The following FYTTD1 variants were observed in gnomAD, a reference collection of about 807,000 sequenced individuals.
FYTTD1 encodes forty-two-three domain containing 1, also known as UAP56-interacting factor.
FYTTD1 carries 22 observed loss-of-function variants against 40.9 expected under a neutral mutation model. The ratio of observed to expected loss-of-function variants is 0.54; its 90% CI spans 0.38 to 0.77. FYTTD1 has a LOEUF of 0.77. FYTTD1 is among the 30% of genes least tolerant of loss of function. The pLI is 0.00. For synonymous variants in FYTTD1, 140 were observed against 137.9 expected (o/e 1.01, Z -0.10); for missense variants, 351 against 392.2 (o/e 0.90, Z 0.89).
chr3:197,779,212 C>T (rs1333244538), intron 8 of FYTTD1, among the ~76,000 whole-genome samples: 1 of 152,018 alleles, frequency 6.6e-6, no homozygotes, highest in African/African-American at 2.4e-5. Flanking sequence ...GTCAGGAGTT[C>T]GAGACCAGCC....
chr3:197,772,828 C>G (rs968145034), intron 4 of FYTTD1, among the ~76,000 whole-genome samples: 1 of 152,140 alleles, frequency 6.6e-6, no homozygotes, highest in Non-Finnish European at 1.5e-5. Context: ...AGGCTGGTCT[C>G]AAACTCCTGA....
intron 2 of FYTTD1, among the ~76,000 whole-genome samples, chr3:197,757,813 T>C (rs1729253853): frequency 6.6e-6 from 1 of 152,236 alleles, no homozygotes; most frequent in East Asian, 1.9e-4. Context: ...ATTATTCATC[T>C]CTAATAATTT....
At chr3:197,762,629 T>C (rs978940053) in intron 2 of FYTTD1, among the ~76,000 whole-genome samples, 5 of 151,768 alleles carry the variant, frequency 3.3e-5, no homozygotes, top group African/African-American at 1.2e-4. Context: ...ATGCCTGTAA[T>C]CCCAGCACTT....
intron 2 of FYTTD1, among the ~76,000 whole-genome samples, chr3:197,767,563 C>T (rs540895402): frequency 6.6e-6 from 1 of 151,814 alleles, no homozygotes; most frequent in African/African-American, 2.4e-5. Context: ...CTCCTGGGCT[C>T]AAGCAATCCT....
chr3:197,750,901 G>T, intron 1 of FYTTD1: 1 of 964,772 alleles, frequency 1.0e-6, no homozygotes, highest in Non-Finnish European at 1.2e-6. Flanking sequence ...GGAGGTTGGT[G>T]ATTCCATTAA....
chr3:197,750,149 G>T (rs1373859370), intron 1 of FYTTD1, 75 bp downstream of exon 1: 4 of 1,159,038 alleles, frequency 3.5e-6, no homozygotes, highest in African/African-American at 3.2e-5. Context: ...GTTTGTGGGG[G>T]CAGGGGCGGT....
At position 197,770,142 on chromosome 3, in the gene FYTTD1, A is replaced by G. The variant is rs1346922592; in HGVS notation, c.395A>G (p.Gln132Arg). 4 of 1,599,196 alleles carry G rather than the reference A, an allele frequency of 2.5e-6. No homozygotes were observed. The East Asian group carries it at 6.7e-5, about 27-fold the overall frequency. Reference protein sequence around the residue: ...RPPLSDKNIEQYFPVLKRKAN... With the variant: ...RPPLSDKNIERYFPVLKRKAN... ...CTTGCCTTCTGATAGAATATAGAAC[A>G]ATATTTTCCAGTGTTAAAAAGGAAG... is the stretch of plus-strand genomic sequence containing the variant. Residue 132 changes from glutamine to arginine, a missense_variant, in exon 4 of 9, where the codon CAA becomes CGA. Physicochemically the swap from Gln to Arg is conservative, Grantham distance 43. Transcript: ENST00000241502.
chr3:197,764,582 G>A (rs1324334530), intron 2 of FYTTD1, among the ~76,000 whole-genome samples: 1 of 151,728 alleles, frequency 6.6e-6, no homozygotes, highest in African/African-American at 2.4e-5. Flanking sequence ...GGTGGTGGGC[G>A]CCTGTAGTCC....
upstream of FYTTD1, chr3:197,749,856 A>C: frequency 1.7e-6 from 1 of 604,890 alleles, no homozygotes; most frequent in Non-Finnish European, 2.6e-6. Flanking sequence ...GAGACCGAGG[A>C]CGGCGCCGGC....
intron 1 of FYTTD1, chr3:197,750,489 A>G (rs1728982757): frequency 1.0e-6 from 1 of 988,068 alleles, no homozygotes; most frequent in African/African-American, 1.8e-5. Flanking sequence ...GAATGGTCCG[A>G]CCGAGCCGTT....
At position 197,768,554 on chromosome 3, in the gene FYTTD1, T is replaced by C. The variant is rs780536859; in HGVS notation, c.351T>C (p.Ile117=). The C allele has an allele frequency of 6.2e-7, 1 of 1,613,866 alleles. No homozygotes were observed. The highest frequency in any genetic ancestry group is 8.5e-7 in the Non-Finnish European group (1 of 1,179,808). ...ARKTTGIRKG[I]SPMNRPPLSD... ...AAACGACTGGAATTCGAAAAGGAATTAGTCCTATGAATCGTCCACCTCTAA... is the reference window on the plus strand; with the variant it reads ...AAACGACTGGAATTCGAAAAGGAATCAGTCCTATGAATCGTCCACCTCTAA... The change falls in exon 3 of 9, where the codon ATT becomes ATC. Residue 117 remains isoleucine, a synonymous_variant. Coordinates refer to ENST00000241502, the MANE Select transcript of FYTTD1 (RefSeq NM_032288.7).
intron 1 of FYTTD1, among the ~76,000 whole-genome samples, chr3:197,756,135 G>A (rs1309965987): frequency 1.3e-5 from 2 of 152,082 alleles, no homozygotes; most frequent in Non-Finnish European, 2.9e-5. Context: ...TGGGAAGTAA[G>A]TAGGAAATTG....
rs1236761510 is a variant in FYTTD1, at chr3:197,783,815, A to G, written c.*1906A>G. 6.6e-6 allele frequency: 1 copy of G among 152,592 alleles called. No individual in the cohort carries two copies. The highest frequency in any genetic ancestry group is 2.4e-5 in the African/African-American group (1 of 41,460). 9.5% of individuals were successfully genotyped at this position (152,592 alleles called of 1,614,324 possible). On this transcript the variant is annotated 3_prime_UTR_variant, in exon 9 of 9. Transcript: ENST00000241502. ...TTTTCCTGTTCTTACCTATTATTGT[A>G]TAGAGCTATTCATGCCATTTTTTGG...
intron 4 of FYTTD1, among the ~76,000 whole-genome samples, chr3:197,770,523 C>T (rs573037168): frequency 6.6e-6 from 1 of 152,318 alleles, no homozygotes; most frequent in East Asian, 1.9e-4. Context: ...AAAAGCTGAT[C>T]ACTTTAGTAG....
Position 197,777,079 on chromosome 3 carries a change from C to T in FYTTD1, c.731+78C>T, listed in dbSNP as rs879094364. On this transcript the variant is annotated intron_variant, in intron 7 of 8. Coordinates refer to ENST00000241502, the MANE Select transcript of FYTTD1 (RefSeq NM_032288.7). Reference sequence around the variant, plus strand: ...CATAAGAAAGTATTGGACTTCTGCTCAGAGAATGATGTCCAAGTTGGGATG... The same window carrying T: ...CATAAGAAAGTATTGGACTTCTGCTTAGAGAATGATGTCCAAGTTGGGATG... The T allele has an allele frequency of 8.2e-6, 7 of 857,824 alleles. No individual in the cohort carries two copies. The South Asian group carries it at 1.1e-4, about 13-fold the overall frequency. The allele number at this position is 857,824 out of a possible 1,614,324, so 53.1% of individuals were successfully genotyped here. A position where few individuals can be genotyped will look rare whatever the true frequency, so the allele number is the denominator to read the frequency against.
chr3:197,757,997 G>A (rs1190121641), intron 2 of FYTTD1, among the ~76,000 whole-genome samples: 3 of 152,200 alleles, frequency 2.0e-5, no homozygotes, highest in Admixed American at 1.3e-4. Context: ...TCTGCCTCCC[G>A]GGTTCAAGCG....
In FYTTD1 at chr3:197,776,927, A is replaced by T; in HGVS notation, c.657A>T (p.Gln219His). ...TTTTTTTTATTTTTTTTGAAACTAG[A>T]TGGCGGACTTCCACCACAAATGGAG... ...LDDVVAKRTRQWRTSTTNGGI... is the reference protein window; with the variant it reads ...LDDVVAKRTRHWRTSTTNGGI... Residue 219 changes from glutamine (Q) to histidine (H), a missense_variant and splice_region_variant, in exon 7 of 9, where the codon CAA (glutamine) becomes CAT (histidine). By Grantham distance (24) the Gln-to-His change is conservative (BLOSUM62 0). Transcript: ENST00000241502. 6.2e-7 allele frequency: 1 copy of T among 1,600,552 alleles called. No homozygotes were observed. Among genetic ancestry groups the T allele is most frequent in the East Asian group, 2.2e-5 (1 of 44,816 alleles).
chr3:197,778,332 T>C lies in FYTTD1; in HGVS notation c.732-6T>C. ...CTGCTCTGATATTTTAATATTTTTCTAATAGAACTCAGAAACCACGATTAA... is the reference window on the plus strand; with the variant it reads ...CTGCTCTGATATTTTAATATTTTTCCAATAGAACTCAGAAACCACGATTAA... On this transcript the variant is annotated splice_polypyrimidine_tract_variant and splice_region_variant and intron_variant, in intron 7 of 8. Transcript: ENST00000241502. The C allele has an allele frequency of 1.3e-6, 2 of 1,585,874 alleles. No individual in the cohort carries two copies. The highest frequency in any genetic ancestry group is 2.2e-5 in the East Asian group (1 of 44,650).
At position 197,784,120 on chromosome 3, in the gene FYTTD1, C is replaced by T. The variant is rs1171682418; in HGVS notation, c.*2211C>T. 1 of 152,446 alleles carries T rather than the reference C, an allele frequency of 6.6e-6. No homozygotes were observed. The highest frequency in any genetic ancestry group is 2.1e-4 in the South Asian group (1 of 4,824). The allele number at this position is 152,446 out of a possible 1,614,324, so 9.4% of individuals were successfully genotyped here. A position where few individuals can be genotyped will look rare whatever the true frequency, so the allele number is the denominator to read the frequency against. On this transcript the variant is annotated 3_prime_UTR_variant, in exon 9 of 9. Transcript: ENST00000241502. Reference sequence around the variant, plus strand: ...TTTTAAAAACAGGATGCAACTTAAACTTTTCTTTGCATCAAGGTATATGCA... The same window carrying T: ...TTTTAAAAACAGGATGCAACTTAAATTTTTCTTTGCATCAAGGTATATGCA...
Sources: gnomAD v4.1 joint callset for allele counts (sites outside exome capture counted in the v4.1 genomes callset) on GRCh38, gnomAD v4.1.1 for gene constraint, MANE v1.5 for transcripts, NCBI Gene and HGNC (gene_info 2026-07-23, HGNC 2026-07-21) for gene names.